Variants in GSR observed in about 807,000 individuals in gnomAD.
The protein encoded by GSR is glutathione reductase, mitochondrial.
Under a neutral mutation model 56.5 loss-of-function variants are expected in GSR, and 48 were observed. The ratio of observed to expected loss-of-function variants is 0.85; its 90% CI spans 0.67 to 1.08. The LOEUF is 1.08. Among genes scored for constraint, GSR ranks in the 50% least tolerant of loss-of-function variants. GSR has a pLI of 0.00. For missense variants in GSR, 694 were observed against 703.3 expected, an observed-to-expected ratio of 0.99 and a Z score of 0.15; for synonymous variants, 264 against 270.8, an observed-to-expected ratio of 0.97 and a Z score of 0.25.
At position 30,679,439 on chromosome 8, in the gene GSR, A is replaced by C; in HGVS notation, c.*81T>G. 1 of 1,357,810 alleles carries C rather than the reference A, an allele frequency of 7.4e-7. No individual in the cohort carries two copies. Among genetic ancestry groups the C allele is most frequent in the Non-Finnish European group, 1.0e-6 (1 of 955,712 alleles). The allele number at this position is 1,357,810 out of a possible 1,614,324, so 84.1% of individuals were successfully genotyped here. A position where few individuals can be genotyped will look rare whatever the true frequency, so the allele number is the denominator to read the frequency against. ...TAAAATAAAGAAATACATAAAACTC[A>C]AACAGTAAGTCAATGTGATTATTTG... On this transcript the variant is annotated 3_prime_UTR_variant, in exon 13 of 13. Coordinates refer to ENST00000221130, the MANE Select transcript of GSR (RefSeq NM_000637.5).
rs541782597 is a variant in GSR at position 30,689,805 on chromosome 8, A to G, written c.883-486T>C. Among the ~76,000 whole-genome samples the G allele has an allele frequency of 8.8e-4, 126 of 143,904 alleles. 1 individual carries two copies. The South Asian group carries it at 0.011, about 13-fold the overall frequency. 94.4% of individuals were successfully genotyped at this position (143,904 alleles called of 152,430 possible). On this transcript the variant is annotated intron_variant, in intron 8 of 12. Coordinates refer to ENST00000221130, the MANE Select transcript of GSR (RefSeq NM_000637.5). ...ATAAAATAAATATACGTATATTTAT[A>G]TATAAATATATTTATATATGTAAAA...
intron 4 of GSR, among the ~76,000 whole-genome samples, chr8:30,703,528 C>T (rs1163987999): frequency 6.6e-6 from 1 of 152,050 alleles, no homozygotes; most frequent in African/African-American, 2.4e-5. Context: ...GGGTGGATAG[C>T]TTGAGCTCAG....
intron 8 of GSR, among the ~76,000 whole-genome samples, chr8:30,692,047 G>A (rs1018249140): frequency 6.6e-6 from 1 of 151,396 alleles, no homozygotes; most frequent in African/African-American, 2.4e-5. Context: ...AGGCTGCAGT[G>A]AGCTGAGATT....
At chr8:30,699,028 G>A (rs1446303497) in intron 6 of GSR, among the ~76,000 whole-genome samples, 1 of 152,162 alleles carries the variant, frequency 6.6e-6, no homozygotes, top group Non-Finnish European at 1.5e-5. Context: ...GCCCATGCTT[G>A]TATTCCTACT....
intron 3 of GSR, 69 bp from the exon 4 acceptor site, chr8:30,708,210 G>A (rs2128745553): frequency 9.3e-7 from 1 of 1,079,016 alleles, no homozygotes; most frequent in East Asian, 2.4e-5. Flanking sequence ...TAAGGCATCT[G>A]TCCCTGAACA....
intron 1 of GSR, among the ~76,000 whole-genome samples, chr8:30,723,479 G>A (rs922418673): frequency 6.7e-6 from 1 of 150,366 alleles, no homozygotes; most frequent in African/African-American, 2.5e-5. Context: ...GAAACAGAGG[G>A]AGACCCTGTC....
chr8:30,704,114 C>T (rs536615198), intron 4 of GSR, among the ~76,000 whole-genome samples: 135 of 152,072 alleles, frequency 8.9e-4, no homozygotes, highest in African/African-American at 3.1e-3. Flanking sequence ...CACCTGAGGT[C>T]GGGAGTTCGA....
At position 30,681,954 on chromosome 8, in the gene GSR, T is replaced by C. The variant is rs199709765; in HGVS notation, c.1261A>G (p.Ile421Val). The C allele has an allele frequency of 6.8e-5, 109 of 1,613,098 alleles. No individual in the cohort carries two copies. Among genetic ancestry groups the C allele is most frequent in the Non-Finnish European group, 8.5e-5 (100 of 1,179,158 alleles). ...IPTVVFSHPPIGTVGLTEDEA... is the reference protein window; with the variant it reads ...IPTVVFSHPPVGTVGLTEDEA... ...CCTTCCGTGAGTCCCACTGTCCCAA[T>C]AGGGGGGTGGCTGAAGACCACAGTT... is the stretch of plus-strand genomic sequence containing the variant. The change falls in exon 11 of 13, where the codon ATT becomes GTT. Residue 421 changes from isoleucine (I) to valine (V), a missense_variant. By Grantham distance (29) the Ile-to-Val change is conservative. Transcript: ENST00000221130.
chr8:30,712,221 A>G, intron 1 of GSR, 133 bp from the exon 2 acceptor site: 1 of 573,608 alleles, frequency 1.7e-6, no homozygotes. Context: ...ACTAAATTCT[A>G]GTTACTTTCT....
At chr8:30,707,496 A>T (rs1378438146) in intron 4 of GSR, among the ~76,000 whole-genome samples, 1 of 152,142 alleles carries the variant, frequency 6.6e-6, no homozygotes, top group African/African-American at 2.4e-5. Context: ...AAATCTCTAC[A>T]AAATATTTTA....
At chr8:30,682,813 TATC>T (rs1803003962) in intron 10 of GSR, among the ~76,000 whole-genome samples, 2 of 151,588 alleles carry the variant, frequency 1.3e-5, no homozygotes, top group East Asian at 1.9e-4. Flanking sequence ...TTATTATTAT[TATC>T]ATTATTATTA....
Position 30,695,955 on chromosome 8 carries a change from G to A in GSR, c.795+425C>T, listed in dbSNP as rs1394811046. 3.3e-5 allele frequency among the ~76,000 whole-genome samples: 5 copies of A among 152,242 alleles called. No individual in the cohort carries two copies. In the East Asian group the frequency reaches 9.7e-4, roughly 29 times the overall value. On this transcript the variant is annotated intron_variant, in intron 7 of 12. Coordinates refer to ENST00000221130, the MANE Select transcript of GSR (RefSeq NM_000637.5). ...CTTGGGAGGCTGAGGCATGAGACTC[G>A]CTTGAGCCCAGGAGGCAGAGGTTGC...
intron 2 of GSR, 26 bp from the exon 3 acceptor site, chr8:30,709,928 TCCAA>T: frequency 9.3e-7 from 1 of 1,070,540 alleles, no homozygotes. Context: ...AAAAAAAGGA[TCCAA>T]AACAGCAGTA....
At chr8:30,715,262 CAGCCT>C (rs1329128000) in intron 1 of GSR, among the ~76,000 whole-genome samples, 1 of 152,042 alleles carries the variant, frequency 6.6e-6, no homozygotes, top group Non-Finnish European at 1.5e-5. Flanking sequence ...CACTGCACTC[CAGCCT>C]AGGTAACAGA....
At position 30,680,960 on chromosome 8, in the gene GSR, T is replaced by G; in HGVS notation, c.1363A>C (p.Thr455Pro). ...ATCACACATTTTGTTTTCCTTTTGG[T>G]AACTGCGTGATACATCGGGGTAAAG... is the stretch of plus-strand genomic sequence containing the variant. ...TSFTPMYHAV[T>P]KRKTKCVMKM... The change falls in exon 12 of 13, where the codon ACC becomes CCC. Residue 455 changes from threonine to proline, a missense_variant. Physicochemically the swap from Thr to Pro is conservative, Grantham distance 38. Coordinates refer to ENST00000221130, the MANE Select transcript of GSR (RefSeq NM_000637.5). The G allele has an allele frequency of 6.2e-7, 1 of 1,612,748 alleles. No homozygotes were observed. The highest frequency in any genetic ancestry group is 8.5e-7 in the Non-Finnish European group (1 of 1,178,802).
chr8:30,703,186 T>C lies in GSR; in HGVS notation c.547A>G (p.Thr183Ala), dbSNP rs776392142. ...TACTTTTTCCCACTGACCTCTATTG[T>C]GGGCTTGGGATCACTCGTGAAGGCT... Reference protein sequence around the residue: ...HAAFTSDPKPTIEVSGKKYTA... With the variant: ...HAAFTSDPKPAIEVSGKKYTA... Residue 183 changes from threonine to alanine, a missense_variant, in exon 5 of 13, where the codon ACA (threonine) becomes GCA (alanine). Physicochemically the swap from Thr to Ala is moderately conservative, Grantham distance 58. Coordinates refer to ENST00000221130, the MANE Select transcript of GSR (RefSeq NM_000637.5). The C allele has an allele frequency of 3.1e-6, 5 of 1,614,074 alleles. No individual in the cohort carries two copies. The South Asian group carries it at 4.4e-5, about 14-fold the overall frequency.
chr8:30,701,068 C>T (rs1053234162), intron 5 of GSR, among the ~76,000 whole-genome samples: 1 of 152,106 alleles, frequency 6.6e-6, no homozygotes, highest in Non-Finnish European at 1.5e-5. Flanking sequence ...TCAAGTTTAC[C>T]ACTTCAGTTA....
rs372860870 is a variant in GSR at position 30,709,004 on chromosome 8, CAAAT to C, written c.422+806_422+809del. Among the ~76,000 whole-genome samples the C allele has an allele frequency of 9.5e-3, 1,365 of 142,994 alleles. 19 individuals are homozygous for C. The highest frequency in any genetic ancestry group is 0.03 in the African/African-American group (1,184 of 38,884). The allele number at this position is 142,994 out of a possible 152,430, so 93.8% of individuals were successfully genotyped here. A position where few individuals can be genotyped will look rare whatever the true frequency, so the allele number is the denominator to read the frequency against. On this transcript the variant is annotated intron_variant, in intron 3 of 12. Transcript: ENST00000221130. ...TAAAAACAACCCAAAAATTCACTAACAAATGAATGGATAAACAAAATGTGGTTTT... is the reference window on the plus strand; with the variant it reads ...TAAAAACAACCCAAAAATTCACTAACGAATGGATAAACAAAATGTGGTTTT...
chr8:30,703,183 T>C lies in GSR; in HGVS notation c.550A>G (p.Ile184Val), dbSNP rs760368980. ...GTGTACTTTTTCCCACTGACCTCTATTGTGGGCTTGGGATCACTCGTGAAG... is the reference window on the plus strand; with the variant it reads ...GTGTACTTTTTCCCACTGACCTCTACTGTGGGCTTGGGATCACTCGTGAAG... Reference protein sequence around the residue: ...AAFTSDPKPTIEVSGKKYTAP... With the variant: ...AAFTSDPKPTVEVSGKKYTAP... Residue 184 changes from isoleucine (I) to valine (V), a missense_variant, in exon 5 of 13, where the codon ATA becomes GTA. Coordinates refer to ENST00000221130, the MANE Select transcript of GSR (RefSeq NM_000637.5). The C allele has an allele frequency of 3.1e-6, 5 of 1,613,816 alleles. No individual in the cohort carries two copies. The highest frequency in any genetic ancestry group is 2.2e-5 in the East Asian group (1 of 44,874).
Sources: gnomAD v4.1 joint callset for allele counts (sites outside exome capture counted in the v4.1 genomes callset) on GRCh38, gnomAD v4.1.1 for gene constraint, MANE v1.5 for transcripts, NCBI Gene and HGNC (gene_info 2026-07-23, HGNC 2026-07-21) for gene names.